The following KLHL32 variants were observed in gnomAD, a reference collection of about 807,000 sequenced individuals.
KLHL32 encodes the protein kelch like family member 32, also known as kelch-like protein 32.
KLHL32 carries 35 observed loss-of-function variants against 64.8 expected under a neutral mutation model. The ratio of observed to expected loss-of-function variants is 0.54; its 90% CI spans 0.41 to 0.72. The LOEUF is 0.72. Ranked by LOEUF, KLHL32 falls within the 30% of genes least tolerant of loss-of-function variation. The probability of loss-of-function intolerance (pLI) is 0.00; values close to 1 mark genes in which losing one functional copy is unlikely to be tolerated. For synonymous variants in KLHL32, 259 were observed against 281.0 expected (o/e 0.92, Z 0.78); for missense variants, 589 against 768.5 (o/e 0.77, Z 2.76).
chr6:96,922,257 G>A (rs899396525), upstream of KLHL32, among the ~76,000 whole-genome samples: 5 of 152,286 alleles, frequency 3.3e-5, no homozygotes, highest in African/African-American at 1.2e-4. Context: ...ACAACTGGGA[G>A]TACAAAGAGC....
intron 9 of KLHL32, among the ~76,000 whole-genome samples, chr6:97,132,343 AATTAAT>A (rs1799524962): frequency 6.6e-6 from 1 of 152,154 alleles, no homozygotes; most frequent in South Asian, 2.1e-4. Context: ...CACCACTGTA[AATTAAT>A]GGCATGTGAC....
intron 3 of KLHL32, among the ~76,000 whole-genome samples, chr6:96,976,991 A>G (rs1405916212): frequency 1.3e-5 from 2 of 152,220 alleles, no homozygotes; most frequent in Non-Finnish European, 2.9e-5. Context: ...GCATGCGGCT[A>G]ATGAAGACAC....
chr6:97,016,085 C>T (rs1781149882), intron 3 of KLHL32, among the ~76,000 whole-genome samples: 1 of 152,198 alleles, frequency 6.6e-6, no homozygotes, highest in South Asian at 2.1e-4. Flanking sequence ...GGGTTGGAGC[C>T]CTCATGGAGA....
upstream of KLHL32, among the ~76,000 whole-genome samples, chr6:96,922,668 C>T (rs850584): frequency 0.58 from 88,839 of 151,974 alleles, 26,529 homozygotes; most frequent in African/African-American, 0.7. Flanking sequence ...TTCCAAAAAA[C>T]AGCTTTTGGG....
At chr6:96,898,602 C>T in the KLHL32 span, among the ~76,000 whole-genome samples, 2 of 152,114 alleles carry the variant, frequency 1.3e-5, no homozygotes, top group South Asian at 2.1e-4. Context: ...AATGCTGAGT[C>T]ATTCCCTCTC....
chr6:96,968,817 T>C (rs1266222383), intron 2 of KLHL32, among the ~76,000 whole-genome samples: 1 of 152,164 alleles, frequency 6.6e-6, no homozygotes, highest in Non-Finnish European at 1.5e-5. Flanking sequence ...CCATTTCCCT[T>C]GTAGCCCTCT....
intron 10 of KLHL32, among the ~76,000 whole-genome samples, chr6:97,133,326 T>C (rs1030130952): frequency 6.6e-6 from 1 of 152,212 alleles, no homozygotes; most frequent in Non-Finnish European, 1.5e-5. Flanking sequence ...CCCTCATTGA[T>C]AGACACATTC....
chr6:97,069,672 T>G lies in KLHL32; in HGVS notation c.411+4946T>G, dbSNP rs548732763. Among the ~76,000 whole-genome samples, 4 of 152,266 alleles carry G rather than the reference T, an allele frequency of 2.6e-5. No homozygotes were observed. The East Asian group carries it at 7.7e-4, about 29-fold the overall frequency. On this transcript the variant is annotated intron_variant, in intron 5 of 10. Transcript: ENST00000369261. ...CCCTTCACATCGTGGGAGTTCATTA[T>G]GTACTGAGGGATTGAAAGGTGCCTC...
intron 4 of KLHL32, among the ~76,000 whole-genome samples, chr6:97,059,770 A>G (rs1042123762): frequency 1.2e-4 from 19 of 152,214 alleles, no homozygotes; most frequent in Admixed American, 6.5e-4. Context: ...GTCATAAATA[A>G]CTTTATGCAA....
chr6:97,072,819 C>G (rs1478685800), intron 5 of KLHL32, among the ~76,000 whole-genome samples: 1 of 152,136 alleles, frequency 6.6e-6, no homozygotes, highest in Non-Finnish European at 1.5e-5. Flanking sequence ...TAATTATGGG[C>G]AATCTTCTGG....
intron 5 of KLHL32, among the ~76,000 whole-genome samples, chr6:97,074,065 G>A (rs1228839351): frequency 6.6e-6 from 1 of 152,208 alleles, no homozygotes; most frequent in African/African-American, 2.4e-5. Flanking sequence ...CACAGTTGAA[G>A]GCCTCGGGTC....
chr6:97,097,900 C>A (rs1373826066), intron 6 of KLHL32, among the ~76,000 whole-genome samples: 2 of 152,160 alleles, frequency 1.3e-5, no homozygotes, highest in Non-Finnish European at 2.9e-5. Context: ...AAAATGGGCA[C>A]ATATATGAAA....
chr6:97,075,334 T>A (rs1408396992), intron 5 of KLHL32, among the ~76,000 whole-genome samples: 2 of 152,196 alleles, frequency 1.3e-5, no homozygotes, highest in African/African-American at 4.8e-5. Context: ...CCATACATAT[T>A]TACATATTTA....
At chr6:97,041,166 A>G (rs188572599) in intron 3 of KLHL32, among the ~76,000 whole-genome samples, 1 of 152,318 alleles carries the variant, frequency 6.6e-6, no homozygotes, top group Non-Finnish European at 1.5e-5. Context: ...ATTGCTGCAT[A>G]TAACTTGGTA....
chr6:96,919,147 T>C, the KLHL32 span, among the ~76,000 whole-genome samples: 1 of 152,208 alleles, frequency 6.6e-6, no homozygotes. Context: ...TTCCTGGCTT[T>C]ACAAAAAGCT....
intron 7 of KLHL32, among the ~76,000 whole-genome samples, chr6:97,118,483 G>T (rs1798034546): frequency 1.3e-5 from 2 of 152,048 alleles, no homozygotes; most frequent in Non-Finnish European, 2.9e-5. Context: ...GCTGGGCGTG[G>T]TGGCGGGCGC....
At chr6:96,909,055 A>G in the KLHL32 span, among the ~76,000 whole-genome samples, 2 of 152,306 alleles carry the variant, frequency 1.3e-5, no homozygotes, top group Admixed American at 6.5e-5. Context: ...GGATCTAAGC[A>G]GCAGAAGGGC....
chr6:97,058,283 G>GT (rs1788339844), intron 4 of KLHL32, among the ~76,000 whole-genome samples: 1 of 152,162 alleles, frequency 6.6e-6, no homozygotes, highest in South Asian at 2.1e-4. Flanking sequence ...AAAAATAACT[G>GT]TGGGATTTTG....
intron 1 of KLHL32, among the ~76,000 whole-genome samples, chr6:96,939,631 AAC>A (rs1308657614): frequency 6.6e-6 from 1 of 152,166 alleles, no homozygotes; most frequent in Non-Finnish European, 1.5e-5. Context: ...TCTAGGAGGA[AAC>A]ACAGTGTCAA....
Sources: gnomAD v4.1 joint callset for allele counts (sites outside exome capture counted in the v4.1 genomes callset) on GRCh38, gnomAD v4.1.1 for gene constraint, MANE v1.5 for transcripts, NCBI Gene and HGNC (gene_info 2026-07-23, HGNC 2026-07-21) for gene names.